The following PPP1R1C variants were observed in gnomAD, a reference collection of about 807,000 sequenced individuals.
The protein encoded by PPP1R1C is protein phosphatase 1 regulatory subunit 1C.
A neutral mutation model predicts 17.4 loss-of-function variants in PPP1R1C; 15 were observed. The observed-to-expected ratio is 0.86, with a 90% CI of 0.58 to 1.33. The LOEUF is 1.33. PPP1R1C is among the 40% of genes most tolerant of loss of function. The pLI is 0.00. For synonymous variants in PPP1R1C, 35 were observed against 43.1 expected (o/e 0.81, Z 0.73); for missense variants, 143 against 130.0 (o/e 1.10, Z -0.48).
intron 4 of PPP1R1C, among the ~76,000 whole-genome samples, chr2:182,078,931 GAAAGTATGGCCAGGCAACAT>G (rs1277902142): frequency 6.6e-6 from 1 of 152,190 alleles, no homozygotes; most frequent in Non-Finnish European, 1.5e-5. Flanking sequence ...CAAACATTCT[GAAAGTATGGCCAGGCAACAT>G]ACAGTCAATC....
chr2:182,128,922 T>C (rs1238949321), intron 5 of PPP1R1C: 1 of 152,130 alleles, frequency 6.6e-6, no homozygotes, highest in Non-Finnish European at 1.5e-5. Context: ...TGGTATTAAA[T>C]CCTCTGGAAA....
intron 2 of PPP1R1C, among the ~76,000 whole-genome samples, chr2:182,033,815 A>G (rs964129293): frequency 6.6e-6 from 1 of 152,182 alleles, no homozygotes; most frequent in African/African-American, 2.4e-5. Flanking sequence ...GCCCGCCACA[A>G]TGTTTCCTAT....
chr2:182,054,312 A>G (rs1054833853), intron 2 of PPP1R1C, among the ~76,000 whole-genome samples: 4 of 152,222 alleles, frequency 2.6e-5, no homozygotes, highest in Admixed American at 6.5e-5. Context: ...TGACATGAGT[A>G]CAATGTGTGC....
At chr2:181,993,226 T>C (rs768059337) in intron 2 of PPP1R1C, among the ~76,000 whole-genome samples, 5 of 152,160 alleles carry the variant, frequency 3.3e-5, no homozygotes, top group Non-Finnish European at 7.4e-5. Context: ...AAAATGAAAG[T>C]AGAAATTTAT....
At chr2:182,035,011 C>T (rs1279677869) in intron 2 of PPP1R1C, among the ~76,000 whole-genome samples, 1 of 152,192 alleles carries the variant, frequency 6.6e-6, no homozygotes, top group Non-Finnish European at 1.5e-5. Flanking sequence ...TGTCTGATTG[C>T]ACTTTTTATT....
intron 4 of PPP1R1C, among the ~76,000 whole-genome samples, chr2:182,094,378 C>T (rs1032547151): frequency 6.6e-6 from 1 of 152,192 alleles, no homozygotes; most frequent in Non-Finnish European, 1.5e-5. Flanking sequence ...CAGAGCCATA[C>T]CATATCAGAG....
intron 2 of PPP1R1C, among the ~76,000 whole-genome samples, chr2:181,980,208 A>G (rs1685168653): frequency 1.3e-5 from 2 of 152,244 alleles, no homozygotes; most frequent in South Asian, 4.1e-4. Context: ...GGAAATGAAT[A>G]TATTTCTAGG....
chr2:182,045,132 G>A (rs1024005568), intron 2 of PPP1R1C, among the ~76,000 whole-genome samples: 6 of 152,134 alleles, frequency 3.9e-5, no homozygotes, highest in Non-Finnish European at 8.8e-5. Flanking sequence ...CAACCCTCAA[G>A]TAAATTACAT....
rs1320048371 is a variant in PPP1R1C, at chr2:182,031,504, TG to T, written c.143-29937del. ...TAACTTAGTTATAGCCTGGAGAATT[TG>T]TATTTATGACTTAGGATGTCATCAT... On this transcript the variant is annotated intron_variant, in intron 2 of 4. Coordinates refer to ENST00000682840, the MANE Select transcript of PPP1R1C (RefSeq NM_001080545.3). 8.5e-5 allele frequency among the ~76,000 whole-genome samples: 13 copies of T among 152,364 alleles called. No homozygotes were observed. The East Asian group carries it at 2.5e-3, about 29-fold the overall frequency.
At chr2:182,124,667 T>C (rs1280688437) in intron 5 of PPP1R1C, among the ~76,000 whole-genome samples, 1 of 152,154 alleles carries the variant, frequency 6.6e-6, no homozygotes, top group Admixed American at 6.5e-5. Context: ...CAATTGTGAA[T>C]GGGTGTTCAC....
chr2:181,985,949 C>G lies in PPP1R1C; in HGVS notation c.-162C>G. On this transcript the variant is annotated 5_prime_UTR_variant, in exon 1 of 5. Coordinates refer to ENST00000682840, the MANE Select transcript of PPP1R1C (RefSeq NM_001080545.3). The surrounding 1 kb of genome is among the most constrained non-coding windows in gnomAD (Gnocchi z 4.1). ...GTGGATGTTGAAGAAGGGGGTTACT[C>G]AAACCTCGGCATCTTCACTTGCTCG... 1 of 637,840 alleles carries G rather than the reference C, an allele frequency of 1.6e-6. No individual in the cohort carries two copies. The highest frequency in any genetic ancestry group is 2.7e-5 in the East Asian group (1 of 37,354). 39.5% of individuals were successfully genotyped at this position (637,840 alleles called of 1,614,324 possible). A position where few individuals can be genotyped will look rare whatever the true frequency, so the allele number is the denominator to read the frequency against.
intron 2 of PPP1R1C, among the ~76,000 whole-genome samples, chr2:181,998,890 C>G (rs1685686049): frequency 6.6e-6 from 1 of 152,164 alleles, no homozygotes; most frequent in African/African-American, 2.4e-5. Flanking sequence ...ATGCCAGAGA[C>G]CCACTCACCA....
At chr2:181,982,965 C>T (rs1420569831), upstream of PPP1R1C, among the ~76,000 whole-genome samples, 5 of 152,094 alleles carry the variant, frequency 3.3e-5, no homozygotes, top group African/African-American at 4.8e-5. Flanking sequence ...ATTCCTTTTT[C>T]AGTCAGTTTG....
chr2:182,041,758 A>G (rs529083931), intron 2 of PPP1R1C, among the ~76,000 whole-genome samples: 6 of 152,284 alleles, frequency 3.9e-5, no homozygotes, highest in East Asian at 1.9e-4. Context: ...GTCATATAAC[A>G]TACGTCCGTA....
intron 2 of PPP1R1C, among the ~76,000 whole-genome samples, chr2:182,041,545 G>T (rs564022780): frequency 6.7e-6 from 1 of 148,758 alleles, no homozygotes; most frequent in East Asian, 2.0e-4. Flanking sequence ...GGAGGCGGAG[G>T]TTGCAGTGAA....
At chr2:182,028,366 T>C (rs2125168660) in intron 2 of PPP1R1C, among the ~76,000 whole-genome samples, 1 of 150,166 alleles carries the variant, frequency 6.7e-6, no homozygotes, top group South Asian at 2.1e-4. Flanking sequence ...TAAATTTCCC[T>C]CTACACACTG....
intron 4 of PPP1R1C, chr2:182,103,559 C>G (rs1465641145): frequency 6.6e-6 from 1 of 152,090 alleles, no homozygotes; most frequent in Non-Finnish European, 1.5e-5. Flanking sequence ...GTCAGCGAGC[C>G]CCCTGGCGAA....
At chr2:182,002,935 C>CGCT (rs1553502177) in intron 2 of PPP1R1C, among the ~76,000 whole-genome samples, 2 of 138,838 alleles carry the variant, frequency 1.4e-5, no homozygotes, top group African/African-American at 5.2e-5. Context: ...AAACCTCCCC[C>CGCT]CCCCCACAAC....
chr2:181,990,538 A>G (rs1574357322), intron 2 of PPP1R1C, among the ~76,000 whole-genome samples: 1 of 152,336 alleles, frequency 6.6e-6, no homozygotes, highest in Non-Finnish European at 1.5e-5. Flanking sequence ...GTTACCATGA[A>G]CATGACTTAA....
Sources: gnomAD v4.1 joint callset for allele counts (sites outside exome capture counted in the v4.1 genomes callset) on GRCh38, gnomAD v4.1.1 for gene constraint, Gnocchi (gnomAD v3.1) non-coding constraint, MANE v1.5 for transcripts, NCBI Gene and HGNC (gene_info 2026-07-23, HGNC 2026-07-21) for gene names.